The following LY75 variants were observed in gnomAD, a reference collection of about 807,000 sequenced individuals.
LY75 encodes C-type lectin domain family 13 member B.
LY75 carries 185 observed loss-of-function variants against 231.7 expected under a neutral mutation model. That is an observed-to-expected ratio of 0.80 (90% confidence interval 0.71 to 0.90). LY75 has a LOEUF of 0.90. Among genes scored for constraint, LY75 ranks in the 40% least tolerant of loss-of-function variants. The pLI, the probability that LY75 is intolerant of heterozygous loss-of-function variation, is 0.00. For missense variants in LY75, 1,947 were observed against 2,050.2 expected (o/e 0.95, Z 0.97); for synonymous variants, 668 against 689.0 (o/e 0.97, Z 0.48).
intron 23 of LY75, among the ~76,000 whole-genome samples, chr2:159,849,294 T>C (rs1224932827): frequency 6.6e-6 from 1 of 152,158 alleles, no homozygotes; most frequent in African/African-American, 2.4e-5. Flanking sequence ...GTAATCTGCA[T>C]CCAGAAAGTA....
rs925848797 is a variant in LY75 at position 159,887,266 on chromosome 2, T to C, written c.803-736A>G. Among the ~76,000 whole-genome samples the C allele has an allele frequency of 1.3e-4, 17 of 134,100 alleles. No homozygotes were observed. In the East Asian group the frequency reaches 3.0e-3, roughly 24 times the overall value. The allele number at this position is 134,100 out of a possible 152,430, so 88.0% of individuals were successfully genotyped here. ...ACACACACACGTGGTACAGTGGAGA[T>C]AGATCATTCAAATTTGTTATTTGAT... On this transcript the variant is annotated intron_variant, in intron 4 of 34. Coordinates refer to ENST00000263636, the MANE Select transcript of LY75 (RefSeq NM_002349.4).
intron 5 of LY75, among the ~76,000 whole-genome samples, chr2:159,886,000 G>A (rs968344833): frequency 6.6e-6 from 1 of 152,074 alleles, no homozygotes; most frequent in Non-Finnish European, 1.5e-5. Flanking sequence ...CCATTATATT[G>A]TCAGTACTTG....
At chr2:159,883,818 C>A (rs188808539) in intron 6 of LY75, among the ~76,000 whole-genome samples, 19 of 152,216 alleles carry the variant, frequency 1.2e-4, no homozygotes, top group Admixed American at 1.2e-3. Flanking sequence ...CCCTCAGATT[C>A]TTTATTTTAT....
In LY75 at chr2:159,828,982, C is replaced by T. The variant is rs1216774404; in HGVS notation, c.3958+2688G>A. The stretch of plus-strand genomic sequence containing the variant: ...CAATCTGTAGAGACAGAAAGTAGAT[C>T]AGTGGTTGCTGAGGACTAGGAGACA... On this transcript the variant is annotated intron_variant, in intron 28 of 34. Transcript: ENST00000263636. Among the ~76,000 whole-genome samples, 7 of 152,064 alleles carry T rather than the reference C, an allele frequency of 4.6e-5. No homozygotes were observed. In the East Asian group the frequency reaches 9.7e-4, roughly 21 times the overall value.
At chr2:159,893,773 C>T (rs143733954) in intron 3 of LY75, 141 bp downstream of exon 3, 2 of 1,246,620 alleles carry the variant, frequency 1.6e-6, no homozygotes, top group Non-Finnish European at 2.1e-6. Flanking sequence ...CATTACCTCT[C>T]TCTTCTCCTC....
At position 159,863,313 on chromosome 2, in the gene LY75, T is replaced by C. The variant is rs144097815; in HGVS notation, c.2199+1526A>G. ...TCTCATTTCACTTCCTCTGAATATA[T>C]GCCCAGTAGTGGGATTGCTGTTCAT... On this transcript the variant is annotated intron_variant, in intron 14 of 34. Coordinates refer to ENST00000263636, the MANE Select transcript of LY75 (RefSeq NM_002349.4). Among the ~76,000 whole-genome samples, 49 of 152,316 alleles carry C rather than the reference T, an allele frequency of 3.2e-4. 1 individual carries two copies. In the East Asian group the frequency reaches 8.9e-3, roughly 28 times the overall value.
At chr2:159,831,541 A>C (rs1249457911) in intron 28 of LY75, 129 bp downstream of exon 28, 4 of 984,298 alleles carry the variant, frequency 4.1e-6, no homozygotes, top group Non-Finnish European at 6.1e-6. Context: ...TATTTATGTA[A>C]GTTATGCTAA....
rs1685454523 is a variant in LY75 at position 159,882,111 on chromosome 2, T to C, written c.1246+13A>G. ...GCTTAAGCCTCTCAAATAGGGTATT[T>C]TTAAAAACTTACCCTCATTATGGAG... On this transcript the variant is annotated intron_variant, in intron 7 of 34. Coordinates refer to ENST00000263636, the MANE Select transcript of LY75 (RefSeq NM_002349.4). 5.6e-6 allele frequency: 9 copies of C among 1,606,572 alleles called. No individual in the cohort carries two copies. The highest frequency in any genetic ancestry group is 7.7e-6 in the Non-Finnish European group (9 of 1,176,318).
chr2:159,806,938 G>T, intron 34 of LY75, 35 bp downstream of exon 34: 2 of 1,570,588 alleles, frequency 1.3e-6, no homozygotes, highest in Non-Finnish European at 1.7e-6. Context: ...TGACTGTTCT[G>T]CAAAAAGTCT....
At position 159,904,709 on chromosome 2, in the gene LY75, G is replaced by T; in HGVS notation, c.-27C>A. On this transcript the variant is annotated 5_prime_UTR_variant, in exon 1 of 35. Coordinates refer to ENST00000263636, the MANE Select transcript of LY75 (RefSeq NM_002349.4). ...CTGAGCTGGCGCAAGCCTTCCGGCC[G>T]GGTCCTCGGGCGCACGCGGCTCCCG... 1 of 1,399,116 alleles carries T rather than the reference G, an allele frequency of 7.1e-7. No individual in the cohort carries two copies. Among genetic ancestry groups the T allele is most frequent in the Non-Finnish European group, 9.2e-7 (1 of 1,084,312 alleles). The allele number at this position is 1,399,116 out of a possible 1,614,324, so 86.7% of individuals were successfully genotyped here. A position where few individuals can be genotyped will look rare whatever the true frequency, so the allele number is the denominator to read the frequency against.
At chr2:159,813,580 C>A (rs999503594) in intron 31 of LY75, among the ~76,000 whole-genome samples, 3 of 152,138 alleles carry the variant, frequency 2.0e-5, no homozygotes, top group African/African-American at 7.2e-5. Context: ...TGGTTTATCA[C>A]TCTGTCACTG....
At chr2:159,825,469 G>T (rs1423394778) in intron 28 of LY75, among the ~76,000 whole-genome samples, 2 of 152,126 alleles carry the variant, frequency 1.3e-5, no homozygotes, top group African/African-American at 4.8e-5. Flanking sequence ...GTAATTAATA[G>T]CCTACCAACC....
chr2:159,837,003 A>T (rs1683851411), intron 25 of LY75, among the ~76,000 whole-genome samples: 1 of 152,250 alleles, frequency 6.6e-6, no homozygotes, highest in Non-Finnish European at 1.5e-5. Context: ...ATCTTAATTT[A>T]ACTCTGGCTT....
At position 159,840,870 on chromosome 2, in the gene LY75, CAG is replaced by C. The variant is rs760829285; in HGVS notation, c.3364_3365del (p.Leu1122AspfsTer6). 13 of 1,614,056 alleles carry C rather than the reference CAG, an allele frequency of 8.1e-6. No homozygotes were observed. In the South Asian group the frequency reaches 1.3e-4, roughly 16 times the overall value. On this transcript the variant is annotated frameshift_variant, in exon 25 of 35. Coordinates refer to ENST00000263636, the MANE Select transcript of LY75 (RefSeq NM_002349.4). LOFTEE classifies it high-confidence loss of function. ...ACTCCCTTTTAGCACTGTGCCAAGT[CAG>C]AGTCTTTGGGATTATTTTGTACAGA... ...NNLYKIIPKT[L>X]TWHSAKRECL...
chr2:159,873,603 G>C (rs951158948), intron 12 of LY75, among the ~76,000 whole-genome samples: 4 of 152,024 alleles, frequency 2.6e-5, no homozygotes. Flanking sequence ...CTGTGAGAAT[G>C]TGAGGCTAAA....
At chr2:159,818,197 G>A (rs1683181192) in intron 29 of LY75, among the ~76,000 whole-genome samples, 1 of 152,110 alleles carries the variant, frequency 6.6e-6, no homozygotes, top group Non-Finnish European at 1.5e-5. Flanking sequence ...TATTAAGTGT[G>A]GACTCAACAT....
At chr2:159,899,531 T>A (rs1266765697) in intron 1 of LY75, among the ~76,000 whole-genome samples, 2 of 152,214 alleles carry the variant, frequency 1.3e-5, no homozygotes, top group Non-Finnish European at 2.9e-5. Context: ...CTTGCTTACA[T>A]GTTAGCTACT....
chr2:159,803,534 A>T lies in LY75; in HGVS notation c.*1510T>A, dbSNP rs2125824154. On this transcript the variant is annotated 3_prime_UTR_variant, in exon 35 of 35. Transcript: ENST00000263636. ...TTCAATAAGAAATCAGGACAACTGT[A>T]GACTATATAAAAACTGTCTTAGAAA... The T allele has an allele frequency of 6.6e-6, 1 of 152,372 alleles. No individual in the cohort carries two copies. The highest frequency in any genetic ancestry group is 1.5e-5 in the Non-Finnish European group (1 of 68,034). 9.4% of individuals were successfully genotyped at this position (152,372 alleles called of 1,614,324 possible).
At chr2:159,833,767 G>A (rs1683735537) in intron 27 of LY75, among the ~76,000 whole-genome samples, 1 of 152,150 alleles carries the variant, frequency 6.6e-6, no homozygotes, top group African/African-American at 2.4e-5. Context: ...CTGGTGGGAG[G>A]TAATTGAATC....
Sources: allele counts gnomAD v4.1 joint callset (sites outside exome capture counted in the v4.1 genomes callset), GRCh38; gene constraint gnomAD v4.1.1; transcripts MANE v1.5; gene names NCBI Gene and HGNC (gene_info 2026-07-23, HGNC 2026-07-21).